The following SORCS2 variants were observed in gnomAD, a reference collection of about 807,000 sequenced individuals.
SORCS2 encodes the protein VPS10 domain-containing receptor SorCS2.
SORCS2 carries 100 observed loss-of-function variants against 141.6 expected under a neutral mutation model. The ratio of observed to expected loss-of-function variants is 0.71; its 90% confidence interval spans 0.60 to 0.83. The LOEUF (loss-of-function observed/expected upper bound fraction) is 0.83. Ranked by LOEUF, SORCS2 falls within the 40% of genes least tolerant of loss-of-function variation. The pLI is 0.00. For missense variants in SORCS2, 1,646 were observed against 1,560.2 expected, an observed-to-expected ratio of 1.05 and a Z score of -0.93; for synonymous variants, 789 against 676.9, an observed-to-expected ratio of 1.17 and a Z score of -2.57.
chr4:7,215,931 G>C (rs1355521694), intron 1 of SORCS2, among the ~76,000 whole-genome samples: 1 of 138,440 alleles, frequency 7.2e-6, no homozygotes, highest in Non-Finnish European at 1.7e-5. Flanking sequence ...CCAGATAAGA[G>C]AATAAAAGCA....
intron 5 of SORCS2, 67 bp downstream of exon 5, chr4:7,654,274 C>G: frequency 1.4e-6 from 2 of 1,478,984 alleles, no homozygotes; most frequent in South Asian, 2.4e-5. Context: ...TCCCCCAAAC[C>G]CTTGGGAGCC....
At chr4:7,410,085 C>T (rs1725206332) in intron 2 of SORCS2, among the ~76,000 whole-genome samples, 2 of 152,186 alleles carry the variant, frequency 1.3e-5, no homozygotes, top group Admixed American at 1.3e-4. Context: ...GGGGACATCC[C>T]CATGGTGTGA....
intron 2 of SORCS2, among the ~76,000 whole-genome samples, chr4:7,486,967 G>C (rs558843303): frequency 6.6e-6 from 1 of 152,314 alleles, no homozygotes; most frequent in South Asian, 2.1e-4. Flanking sequence ...AGGTCTTTTG[G>C]GTGGGTCACT....
chr4:7,602,445 G>T (rs180901976), intron 3 of SORCS2, among the ~76,000 whole-genome samples: 1 of 151,284 alleles, frequency 6.6e-6, no homozygotes, highest in Non-Finnish European at 1.5e-5. Context: ...ACAGGGTCGC[G>T]GCCAGGCAGA....
At chr4:7,296,945 C>A in intron 1 of SORCS2, among the ~76,000 whole-genome samples, 1 of 152,224 alleles carries the variant, frequency 6.6e-6, no homozygotes, top group Non-Finnish European at 1.5e-5. Flanking sequence ...GGTGCCCAGG[C>A]CAGCTTCGTG....
At chr4:7,416,317 T>G (rs918421709) in intron 2 of SORCS2, among the ~76,000 whole-genome samples, 1 of 152,138 alleles carries the variant, frequency 6.6e-6, no homozygotes, top group African/African-American at 2.4e-5. Context: ...TGGTATTCAA[T>G]AGGGTGCTTG....
At chr4:7,306,361 TG>T (rs955726383) in intron 1 of SORCS2, among the ~76,000 whole-genome samples, 1 of 139,598 alleles carries the variant, frequency 7.2e-6, no homozygotes, top group East Asian at 2.1e-4. Context: ...TGGCTTCTGG[TG>T]GGGGTGGGTG....
chr4:7,567,484 C>T (rs1715105822), intron 3 of SORCS2, among the ~76,000 whole-genome samples: 1 of 151,040 alleles, frequency 6.6e-6, no homozygotes, highest in Admixed American at 6.6e-5. Context: ...ATAGTGTTTT[C>T]CTCATGATTG....
chr4:7,270,919 G>A (rs946300941), intron 1 of SORCS2, among the ~76,000 whole-genome samples: 1 of 152,242 alleles, frequency 6.6e-6, no homozygotes, highest in Non-Finnish European at 1.5e-5. Context: ...GTTCTCTCCA[G>A]TTCTCGCTTG....
intron 1 of SORCS2, among the ~76,000 whole-genome samples, chr4:7,322,807 G>A (rs1718979994): frequency 6.6e-6 from 1 of 152,192 alleles, no homozygotes; most frequent in Non-Finnish European, 1.5e-5. Context: ...GCTGAGAGGA[G>A]GGGCTGAAAT....
At chr4:7,194,240 C>G (rs1434435031) in intron 1 of SORCS2, among the ~76,000 whole-genome samples, 2 of 152,082 alleles carry the variant, frequency 1.3e-5, no homozygotes, top group Non-Finnish European at 2.9e-5. Flanking sequence ...TTCTCGCTTC[C>G]CAAAGGGCCA....
intron 3 of SORCS2, among the ~76,000 whole-genome samples, chr4:7,543,665 C>G (rs559788763): frequency 6.1e-5 from 9 of 147,398 alleles, no homozygotes; most frequent in Non-Finnish European, 1.2e-4. Context: ...TCCACCCACC[C>G]ATCCATCCAT....
chr4:7,522,542 G>A (rs1051728698), intron 2 of SORCS2, among the ~76,000 whole-genome samples: 7 of 152,116 alleles, frequency 4.6e-5, no homozygotes, highest in African/African-American at 7.2e-5. Flanking sequence ...GGTCACCTGC[G>A]GGACGGCACC....
At chr4:7,733,886 G>A (rs1390899619) in intron 24 of SORCS2, among the ~76,000 whole-genome samples, 1 of 152,198 alleles carries the variant, frequency 6.6e-6, no homozygotes, top group East Asian at 1.9e-4. Flanking sequence ...ACCTCTCCAA[G>A]GCCACACAGG....
intron 3 of SORCS2, among the ~76,000 whole-genome samples, chr4:7,596,395 G>A (rs534522808): frequency 2.6e-5 from 4 of 152,226 alleles, no homozygotes; most frequent in East Asian, 3.9e-4. Flanking sequence ...ATAGGGACTC[G>A]CTAGACCTGC....
At chr4:7,519,495 C>T (rs1188737251) in intron 2 of SORCS2, among the ~76,000 whole-genome samples, 1 of 152,238 alleles carries the variant, frequency 6.6e-6, no homozygotes, top group African/African-American at 2.4e-5. Flanking sequence ...ACGGGAACAG[C>T]TGGAATGGGG....
intron 2 of SORCS2, among the ~76,000 whole-genome samples, chr4:7,520,841 G>A (rs1246551664): frequency 6.6e-6 from 1 of 152,230 alleles, no homozygotes; most frequent in African/African-American, 2.4e-5. Flanking sequence ...TCCTGCACTG[G>A]GTCGGGCTGC....
At chr4:7,683,359 T>C (rs78012306) in intron 10 of SORCS2, among the ~76,000 whole-genome samples, 472 of 29,288 alleles carry the variant, frequency 0.016, 14 homozygotes, top group African/African-American at 0.02. Context: ...GCTCTGCTGA[T>C]CTTGTCTGGG....
rs188017802 is a variant in SORCS2 at position 7,576,720 on chromosome 4, T to C, written c.648+45091T>C. 1.7e-3 allele frequency among the ~76,000 whole-genome samples: 255 copies of C among 151,772 alleles called. 1 individual carries two copies. The highest frequency in any genetic ancestry group is 3.1e-3 in the Admixed American group (47 of 15,228). ...AACGAAGCTACTGTGGGCGGGGAGGTTCCTGGAATGCCATGGTAGGGGGTT... is the reference window on the plus strand; with the variant it reads ...AACGAAGCTACTGTGGGCGGGGAGGCTCCTGGAATGCCATGGTAGGGGGTT... On this transcript the variant is annotated intron_variant, in intron 3 of 26. Transcript: ENST00000507866.
Sources: gnomAD v4.1 joint callset for allele counts (sites outside exome capture counted in the v4.1 genomes callset) on GRCh38, gnomAD v4.1.1 for gene constraint, MANE v1.5 for transcripts, NCBI Gene and HGNC (gene_info 2026-07-23, HGNC 2026-07-21) for gene names.